The following MTOR variants were observed in gnomAD, a reference collection of about 807,000 sequenced individuals.
MTOR encodes mechanistic target of rapamycin kinase.
A neutral mutation model predicts 319.8 loss-of-function variants in MTOR; 70 were observed. The ratio of observed to expected loss-of-function variants is 0.22; its 90% CI spans 0.18 to 0.27. MTOR has a LOEUF of 0.27. MTOR is among the 10% of genes least tolerant of loss of function. The pLI is 1.00. For synonymous variants in MTOR, 1,183 were observed against 1,211.4 expected (o/e 0.98, Z 0.49); for missense variants, 1,890 against 3,274.4 (o/e 0.58, Z 10.32).
chr1:11,169,013 C>G (rs1391038224), intron 28 of MTOR, among the ~76,000 whole-genome samples: 3 of 152,172 alleles, frequency 2.0e-5, no homozygotes, highest in African/African-American at 7.2e-5. Context: ...AGCAAGGATC[C>G]AGTTTACTGC....
intron 19 of MTOR, among the ~76,000 whole-genome samples, chr1:11,222,896 A>G (rs1646715434): frequency 1.3e-5 from 2 of 152,208 alleles, no homozygotes; most frequent in South Asian, 4.1e-4. Context: ...TTTATAACAG[A>G]TGGATCAGAT....
Position 11,133,786 on chromosome 1 carries a change from A to G in MTOR, c.5246+565T>C, listed in dbSNP as rs544539183. Among the ~76,000 whole-genome samples the G allele has an allele frequency of 3.3e-4, 50 of 152,348 alleles. No homozygotes were observed. In the South Asian group the frequency reaches 8.3e-3, roughly 25 times the overall value. Reference sequence around the variant, plus strand: ...TATCAAATCTGCAGCACAGAGTGGCACAGTGGCCCACACCTATAATCCCAG... The same window carrying G: ...TATCAAATCTGCAGCACAGAGTGGCGCAGTGGCCCACACCTATAATCCCAG... On this transcript the variant is annotated intron_variant, in intron 37 of 57. Transcript: ENST00000361445. The surrounding 1 kb of genome is among the most constrained non-coding windows in gnomAD (Gnocchi z 4.0).
rs773203338 is a variant in MTOR, at chr1:11,231,119, G to A, written c.2650-65C>T. The A allele has an allele frequency of 2.0e-5, 32 of 1,610,642 alleles. 1 individual carries two copies. Among genetic ancestry groups the A allele is most frequent in the Middle Eastern group, 1.7e-4 (1 of 6,050 alleles). Reference sequence around the variant, plus strand: ...ACAACATGATTACAACAAGTATCACGGATACTCCTCTCAGGTTACATAATC... The same window carrying A: ...ACAACATGATTACAACAAGTATCACAGATACTCCTCTCAGGTTACATAATC... On this transcript the variant is annotated intron_variant, in intron 17 of 57. Transcript: ENST00000361445.
chr1:11,164,353 A>AAG (rs1283223876), intron 29 of MTOR, among the ~76,000 whole-genome samples: 21 of 145,676 alleles, frequency 1.4e-4, no homozygotes, highest in South Asian at 2.3e-4. Flanking sequence ...AAAAAAAAAA[A>AAG]AGAGAGAGAG....
intron 29 of MTOR, among the ~76,000 whole-genome samples, chr1:11,157,719 G>C (rs777192710): frequency 3.9e-5 from 6 of 152,184 alleles, no homozygotes; most frequent in Non-Finnish European, 5.9e-5. Flanking sequence ...TGGGCTACTT[G>C]ACAGGGATGG....
intron 29 of MTOR, among the ~76,000 whole-genome samples, chr1:11,165,606 A>G (rs1467597576): frequency 1.3e-5 from 2 of 152,094 alleles, no homozygotes; most frequent in Non-Finnish European, 2.9e-5. Context: ...GACACAAACA[A>G]ATAGAAGAAC....
At position 11,238,063 on chromosome 1, in the gene MTOR, G is replaced by A. The variant is rs2100899387; in HGVS notation, c.2003-15C>T. 6.2e-7 allele frequency: 1 copy of A among 1,613,622 alleles called. No individual in the cohort carries two copies. The highest frequency in any genetic ancestry group is 1.1e-5 in the South Asian group (1 of 91,068). ...AATGTCAGGGTCTGCAAGAGCAATG[G>A]AGCCTTTGAACATTTCCTCATGATC... On this transcript the variant is annotated splice_polypyrimidine_tract_variant and intron_variant, in intron 12 of 57. Coordinates refer to ENST00000361445, the MANE Select transcript of MTOR (RefSeq NM_004958.4).
intron 34 of MTOR, among the ~76,000 whole-genome samples, chr1:11,141,790 T>A (rs1643719671): frequency 6.7e-6 from 1 of 149,134 alleles, no homozygotes; most frequent in Non-Finnish European, 1.5e-5. Context: ...ATCGAGATCA[T>A]CCTGGCTAAT....
chr1:11,259,546 G>T, intron 1 of MTOR, 123 bp from the exon 2 acceptor site: 2 of 1,058,552 alleles, frequency 1.9e-6, no homozygotes, highest in Admixed American at 2.9e-5. Flanking sequence ...TTCTAAAAAG[G>T]TTGAGAGATC....
At chr1:11,192,127 C>T (rs1184390399) in intron 28 of MTOR, 2 of 671,704 alleles carry the variant, frequency 3.0e-6, no homozygotes, top group Non-Finnish European at 5.2e-6. Context: ...CTCCCCATAT[C>T]CACCTCTCCC....
At chr1:11,194,976 C>T in intron 28 of MTOR, 1 of 1,614,078 alleles carries the variant, frequency 6.2e-7, no homozygotes, top group South Asian at 1.1e-5. Context: ...TACCTACTCC[C>T]TCAAACGGGT....
chr1:11,260,018 AG>A (rs1164937257), intron 1 of MTOR, among the ~76,000 whole-genome samples: 2 of 152,364 alleles, frequency 1.3e-5, no homozygotes, highest in East Asian at 3.9e-4. Context: ...GGTTGATGTG[AG>A]AACTAAATGA....
Position 11,247,611 on chromosome 1 carries a change from A to G in MTOR, c.1225+14T>C, listed in dbSNP as rs1397856681. On this transcript the variant is annotated intron_variant, in intron 8 of 57. Coordinates refer to ENST00000361445, the MANE Select transcript of MTOR (RefSeq NM_004958.4). ...CCTGAGATGGGTAATGATGTCTTCC[A>G]TGGACATCCTCACCTGTGAAGGCAG... is the stretch of plus-strand genomic sequence containing the variant. The G allele has an allele frequency of 6.2e-7, 1 of 1,608,308 alleles. No individual in the cohort carries two copies.
chr1:11,200,969 C>G (rs1027588540), intron 26 of MTOR, among the ~76,000 whole-genome samples: 1 of 150,422 alleles, frequency 6.6e-6, no homozygotes, highest in African/African-American at 2.5e-5. Flanking sequence ...GAGCCAAGAT[C>G]ACACCACTGC....
chr1:11,247,085 G>A (rs573625182), intron 8 of MTOR, among the ~76,000 whole-genome samples: 3 of 152,284 alleles, frequency 2.0e-5, no homozygotes, highest in Admixed American at 2.0e-4. Context: ...TTCATCTCAG[G>A]TCTGATGCCA....
chr1:11,254,075 C>A (rs1025237428), intron 5 of MTOR, 102 bp from the exon 6 acceptor site: 1 of 1,353,080 alleles, frequency 7.4e-7, no homozygotes, highest in Admixed American at 1.8e-5. Context: ...TGCTACCACG[C>A]CTGCTCAGTG....
At position 11,233,373 on chromosome 1, in the gene MTOR, A is replaced by G. The variant is rs747983296; in HGVS notation, c.2421+25T>C. ...GTTTCTTTTCCACCCTATCTCCGCT[A>G]TGGAAAAAGTAGCTGCCCCTTTACC... On this transcript the variant is annotated intron_variant, in intron 15 of 57. Coordinates refer to ENST00000361445, the MANE Select transcript of MTOR (RefSeq NM_004958.4). The G allele has an allele frequency of 3.8e-6, 6 of 1,599,694 alleles. No homozygotes were observed. In the South Asian group the frequency reaches 6.6e-5, roughly 18 times the overall value.
chr1:11,210,632 A>G (rs1646279942), intron 24 of MTOR, among the ~76,000 whole-genome samples, 182 bp downstream of exon 24: 1 of 152,252 alleles, frequency 6.6e-6, no homozygotes, highest in African/African-American at 2.4e-5. Context: ...GGCTGCTCTC[A>G]GGCTGTAGTG....
At position 11,115,515 on chromosome 1, in the gene MTOR, G is replaced by T; in HGVS notation, c.7017-47C>A. Reference sequence around the variant, plus strand: ...TCAGGGAGGGATCAACAGAGATAACGGATGAAAAAATCAATAAGTACGTGA... The same window carrying T: ...TCAGGGAGGGATCAACAGAGATAACTGATGAAAAAATCAATAAGTACGTGA... On this transcript the variant is annotated intron_variant, in intron 50 of 57. Transcript: ENST00000361445. This position sits in a 1 kb window ranked among gnomAD's most constrained non-coding sequence, Gnocchi z 4.5. 6.3e-7 allele frequency: 1 copy of T among 1,575,248 alleles called. No homozygotes were observed. The highest frequency in any genetic ancestry group is 8.7e-7 in the Non-Finnish European group (1 of 1,144,824).
Sources: allele counts gnomAD v4.1 joint callset (sites outside exome capture counted in the v4.1 genomes callset), GRCh38; gene constraint gnomAD v4.1.1; non-coding constraint Gnocchi (gnomAD v3.1); transcripts MANE v1.5; gene names NCBI Gene and HGNC (gene_info 2026-07-23, HGNC 2026-07-21).